Variants in MYO6 observed in about 807,000 individuals in gnomAD.
MYO6 encodes the protein myosin VI, also known as unconventional myosin-VI.
In MYO6, 74 loss-of-function variants were observed where a neutral mutation model predicts 178.7. The ratio of observed to expected loss-of-function variants is 0.41; its 90% confidence interval spans 0.34 to 0.50. The LOEUF (loss-of-function observed/expected upper bound fraction) is 0.50. Ranked by LOEUF, MYO6 falls within the 20% of genes least tolerant of loss-of-function variation. The pLI is 0.09. For missense variants in MYO6, 1,330 were observed against 1,547.4 expected, an observed-to-expected ratio of 0.86 and a Z score of 2.36; for synonymous variants, 477 against 504.6, an observed-to-expected ratio of 0.95 and a Z score of 0.73.
rs535158401 is a variant in MYO6, at chr6:75,903,144, A to C, written c.3177-4461A>C. Among the ~76,000 whole-genome samples the C allele has an allele frequency of 6.7e-3, 1,019 of 152,172 alleles. 1 individual carries two copies. The highest frequency in any genetic ancestry group is 0.01 in the Non-Finnish European group (685 of 68,016). On this transcript the variant is annotated intron_variant, in intron 30 of 34. Transcript: ENST00000369977. ...ATTTGCTGAGGAGAGCCTTACTTCC[A>C]AGTATGTGGTCAATTTTGGAATAGG...
chr6:75,894,184 C>A (rs1468090207), intron 28 of MYO6, among the ~76,000 whole-genome samples: 2 of 152,192 alleles, frequency 1.3e-5, no homozygotes, highest in Admixed American at 6.5e-5. Flanking sequence ...ATTCCATATA[C>A]TGTATACAAG....
chr6:75,859,685 T>C (rs1776029892), intron 14 of MYO6, among the ~76,000 whole-genome samples: 1 of 146,194 alleles, frequency 6.8e-6, no homozygotes, highest in African/African-American at 2.5e-5. Context: ...TTTTTTTTTT[T>C]GAGACGAAGT....
chr6:75,821,752 T>TCA (rs1333087388), intron 2 of MYO6, among the ~76,000 whole-genome samples: 3 of 152,214 alleles, frequency 2.0e-5, no homozygotes, highest in Non-Finnish European at 2.9e-5. Flanking sequence ...ATTGTCATTG[T>TCA]TTGAGAAGTA....
chr6:75,773,110 A>G (rs1766046135), intron 1 of MYO6, among the ~76,000 whole-genome samples: 1 of 152,212 alleles, frequency 6.6e-6, no homozygotes, highest in Non-Finnish European at 1.5e-5. Context: ...TGCTAGTGAT[A>G]AACATGAGTG....
At chr6:75,812,185 A>G (rs1488349122) in intron 1 of MYO6, among the ~76,000 whole-genome samples, 5 of 152,128 alleles carry the variant, frequency 3.3e-5, no homozygotes, top group Non-Finnish European at 5.9e-5. Context: ...TTCCTGGCTA[A>G]TGTTTAAAAT....
chr6:75,862,849 A>G, intron 16 of MYO6, 126 bp downstream of exon 16: 3 of 1,088,676 alleles, frequency 2.8e-6, no homozygotes, highest in Admixed American at 1.8e-5. Flanking sequence ...CAACTATATT[A>G]TATCCAGCAC....
intron 15 of MYO6, 125 bp from the exon 16 acceptor site, chr6:75,862,471 C>A: frequency 2.3e-6 from 2 of 856,700 alleles, no homozygotes; most frequent in Non-Finnish European, 3.8e-6. Flanking sequence ...TGAGAGAACA[C>A]ATATAGAATC....
At chr6:75,878,210 A>G (rs902303733) in intron 20 of MYO6, among the ~76,000 whole-genome samples, 10 of 151,898 alleles carry the variant, frequency 6.6e-5, no homozygotes, top group Non-Finnish European at 1.5e-4. Flanking sequence ...CGTCTTGGGT[A>G]TATTTTTTAT....
intron 3 of MYO6, 119 bp downstream of exon 3, chr6:75,822,970 T>G (rs1772057881): frequency 3.8e-6 from 3 of 789,850 alleles, no homozygotes; most frequent in Non-Finnish European, 4.3e-6. Context: ...TCTAGTCTTT[T>G]GACATGAATA....
rs767081639 is a variant in MYO6 at position 75,915,027 on chromosome 6, C to T, written c.*15C>T. ...TGTTAAAGTAGATGTTGCACACCAG[C>T]CTTACAGCTGGGAGCCTTTGCCATG... is the stretch of plus-strand genomic sequence containing the variant. On this transcript the variant is annotated 3_prime_UTR_variant, in exon 35 of 35. Coordinates refer to ENST00000369977, the MANE Select transcript of MYO6 (RefSeq NM_004999.4). 1 of 1,605,712 alleles carries T rather than the reference C, an allele frequency of 6.2e-7. No individual in the cohort carries two copies. Among genetic ancestry groups the T allele is most frequent in the Admixed American group, 1.7e-5 (1 of 59,042 alleles).
chr6:75,819,895 A>C (rs1401260096), intron 2 of MYO6, among the ~76,000 whole-genome samples: 3 of 152,162 alleles, frequency 2.0e-5, no homozygotes, highest in Non-Finnish European at 4.4e-5. Context: ...CTCTACAAAA[A>C]ATTTAAAAAA....
intron 16 of MYO6, among the ~76,000 whole-genome samples, chr6:75,865,522 C>T (rs1363992385): frequency 6.6e-6 from 1 of 151,528 alleles, no homozygotes; most frequent in Non-Finnish European, 1.5e-5. Flanking sequence ...CTCCACCATG[C>T]CTGGCTAATT....
intron 10 of MYO6, among the ~76,000 whole-genome samples, chr6:75,846,699 C>A (rs892407971): frequency 6.6e-6 from 1 of 151,930 alleles, no homozygotes; most frequent in Non-Finnish European, 1.5e-5. Flanking sequence ...ATAATGGAGA[C>A]CTTTCCTAGT....
At chr6:75,895,130 A>T in intron 28 of MYO6, 101 bp from the exon 29 acceptor site, 1 of 879,018 alleles carries the variant, frequency 1.1e-6, no homozygotes, top group Non-Finnish European at 1.8e-6. Flanking sequence ...TTGAGTTTTT[A>T]AAATCAATGA....
At chr6:75,806,070 A>T (rs984149683) in intron 1 of MYO6, among the ~76,000 whole-genome samples, 1 of 152,204 alleles carries the variant, frequency 6.6e-6, no homozygotes, top group Non-Finnish European at 1.5e-5. Context: ...GACTTCATTA[A>T]TGAAGGATAA....
chr6:75,817,924 G>C (rs1201356083), intron 2 of MYO6, among the ~76,000 whole-genome samples: 2 of 152,062 alleles, frequency 1.3e-5, no homozygotes, highest in African/African-American at 4.8e-5. Flanking sequence ...TGATCATCCA[G>C]TTCTTAGCCT....
chr6:75,821,762 A>T (rs995320007), intron 2 of MYO6, among the ~76,000 whole-genome samples: 5 of 152,224 alleles, frequency 3.3e-5, no homozygotes, highest in Non-Finnish European at 2.9e-5. Context: ...TTTGAGAAGT[A>T]CTGTATCAGC....
At chr6:75,893,335 GT>G (rs1202618496) in intron 28 of MYO6, among the ~76,000 whole-genome samples, 1 of 152,050 alleles carries the variant, frequency 6.6e-6, no homozygotes, top group Non-Finnish European at 1.5e-5. Context: ...AAAAAATTTA[GT>G]ATGTAGAGGC....
At chr6:75,844,622 C>T (rs1774550948) in intron 9 of MYO6, among the ~76,000 whole-genome samples, 1 of 151,820 alleles carries the variant, frequency 6.6e-6, no homozygotes, top group Non-Finnish European at 1.5e-5. Context: ...AAAATTGTTG[C>T]CCTTTAAAAG....
Sources: allele counts gnomAD v4.1 joint callset (sites outside exome capture counted in the v4.1 genomes callset), GRCh38; gene constraint gnomAD v4.1.1; transcripts MANE v1.5; gene names NCBI Gene and HGNC (gene_info 2026-07-23, HGNC 2026-07-21).